The following MEGF11 variants were observed in gnomAD, a reference collection of about 807,000 sequenced individuals.
MEGF11 encodes multiple EGF like domains 11.
In MEGF11, 126 loss-of-function variants were observed where a neutral mutation model predicts 146.6. The observed-to-expected ratio is 0.86, with a 90% CI of 0.74 to 1.00. MEGF11 has a LOEUF of 1.00. Among genes scored for constraint, MEGF11 ranks in the 50% least tolerant of loss-of-function variants. The pLI is 0.00. For missense variants in MEGF11, 1,509 were observed against 1,521.2 expected, an observed-to-expected ratio of 0.99 and a Z score of 0.13; for synonymous variants, 532 against 583.4, an observed-to-expected ratio of 0.91 and a Z score of 1.27.
intron 5 of MEGF11, among the ~76,000 whole-genome samples, chr15:66,053,421 G>T (rs2084532207): frequency 1.3e-5 from 2 of 152,206 alleles, no homozygotes; most frequent in South Asian, 2.1e-4. Flanking sequence ...AACATGGCAG[G>T]GTCAAGTGGC....
At chr15:66,011,197 G>T (rs2082702015) in intron 5 of MEGF11, among the ~76,000 whole-genome samples, 1 of 152,142 alleles carries the variant, frequency 6.6e-6, no homozygotes, top group Non-Finnish European at 1.5e-5. Flanking sequence ...CCCACTTGTG[G>T]CCACCGTAAG....
intron 1 of MEGF11, among the ~76,000 whole-genome samples, chr15:66,212,405 G>A (rs1054834632): frequency 6.6e-6 from 1 of 152,114 alleles, no homozygotes; most frequent in African/African-American, 2.4e-5. Flanking sequence ...GTGCATCGTG[G>A]GGGGACTGGC....
intron 8 of MEGF11, among the ~76,000 whole-genome samples, chr15:65,966,194 C>A (rs2081091233): frequency 6.6e-6 from 1 of 152,172 alleles, no homozygotes; most frequent in Non-Finnish European, 1.5e-5. Flanking sequence ...CGGGGTTTCA[C>A]CATGTTGTCC....
At chr15:65,972,539 T>C (rs1347338647) in intron 7 of MEGF11, among the ~76,000 whole-genome samples, 1 of 151,566 alleles carries the variant, frequency 6.6e-6, no homozygotes, top group Non-Finnish European at 1.5e-5. Context: ...CAAGATCTCA[T>C]CTCTACAAAA....
intron 5 of MEGF11, among the ~76,000 whole-genome samples, chr15:66,036,260 C>A (rs1466146547): frequency 6.6e-6 from 1 of 152,214 alleles, no homozygotes; most frequent in African/African-American, 2.4e-5. Context: ...AGTCATGCAC[C>A]CTTTACTGGC....
At chr15:66,150,946 C>T (rs1190371946) in intron 1 of MEGF11, among the ~76,000 whole-genome samples, 2 of 151,938 alleles carry the variant, frequency 1.3e-5, no homozygotes, top group African/African-American at 2.4e-5. Flanking sequence ...TCATCCCATC[C>T]CCTTGCCACC....
intron 1 of MEGF11, among the ~76,000 whole-genome samples, chr15:66,199,353 A>C (rs903877414): frequency 6.6e-6 from 1 of 152,088 alleles, no homozygotes; most frequent in Non-Finnish European, 1.5e-5. Flanking sequence ...CTCTCCTCCC[A>C]GTCCTAGTGC....
At chr15:65,911,575 C>T (rs935665767) in intron 21 of MEGF11, among the ~76,000 whole-genome samples, 1 of 152,166 alleles carries the variant, frequency 6.6e-6, no homozygotes, top group African/African-American at 2.4e-5. Context: ...CCATGCCCAG[C>T]TAATTTTTTG....
At chr15:66,056,423 C>T (rs910452552) in intron 5 of MEGF11, among the ~76,000 whole-genome samples, 4 of 152,150 alleles carry the variant, frequency 2.6e-5, no homozygotes, top group Admixed American at 2.6e-4. Context: ...GTGCTCAGCC[C>T]TGCACCTGAT....
chr15:65,906,809 A>G (rs1185825942), intron 23 of MEGF11: 1 of 152,214 alleles, frequency 6.6e-6, no homozygotes, highest in Non-Finnish European at 1.5e-5. Flanking sequence ...ATTTGCACAT[A>G]ATGTAGAATT....
At position 65,909,725 on chromosome 15, in the gene MEGF11, C is replaced by CA; in HGVS notation, c.2896+14dup. The stretch of plus-strand genomic sequence containing the variant: ...GGGACATGATGGTGGGGACCAGACT[C>CA]ACACCACTACTGACCTAACACGTTC... On this transcript the variant is annotated intron_variant, in intron 22 of 25. Transcript: ENST00000395614. 1 of 1,563,806 alleles carries CA rather than the reference C, an allele frequency of 6.4e-7. No homozygotes were observed. The highest frequency in any genetic ancestry group is 8.6e-7 in the Non-Finnish European group (1 of 1,162,226).
intron 1 of MEGF11, among the ~76,000 whole-genome samples, chr15:66,230,727 C>T (rs1022299511): frequency 2.0e-5 from 3 of 152,150 alleles, no homozygotes; most frequent in Admixed American, 1.3e-4. Flanking sequence ...GTGATGCGGA[C>T]GTGGGAGTGC....
At chr15:66,113,392 A>G (rs1409879013) in intron 4 of MEGF11, among the ~76,000 whole-genome samples, 2 of 152,240 alleles carry the variant, frequency 1.3e-5, no homozygotes, top group Non-Finnish European at 2.9e-5. Context: ...TGAAAGGGCC[A>G]GAAGATTTCA....
intron 5 of MEGF11, among the ~76,000 whole-genome samples, chr15:66,091,366 A>G (rs1163789537): frequency 4.6e-5 from 7 of 152,268 alleles, no homozygotes; most frequent in African/African-American, 1.7e-4. Flanking sequence ...TCTTTTAAGC[A>G]GAGCTCACTT....
chr15:65,912,745 T>G (rs556680850), intron 20 of MEGF11, among the ~76,000 whole-genome samples: 29 of 152,336 alleles, frequency 1.9e-4, no homozygotes, highest in Middle Eastern at 3.4e-3. Flanking sequence ...TTGGCTGTAG[T>G]GTGGCATGTA....
chr15:65,968,019 A>T (rs2081168795), intron 8 of MEGF11, among the ~76,000 whole-genome samples: 2 of 152,216 alleles, frequency 1.3e-5, no homozygotes, highest in Admixed American at 1.3e-4. Flanking sequence ...CGCAGCCTGC[A>T]TGTGGCTAAG....
chr15:66,203,796 A>G (rs756453722), intron 1 of MEGF11, among the ~76,000 whole-genome samples: 48 of 152,248 alleles, frequency 3.2e-4, no homozygotes, highest in Admixed American at 9.2e-4. Flanking sequence ...GAAAATTTTA[A>G]TATGGATTAG....
intron 5 of MEGF11, among the ~76,000 whole-genome samples, chr15:66,044,672 A>G (rs1394422872): frequency 1.7e-5 from 1 of 59,946 alleles, no homozygotes; most frequent in East Asian, 5.0e-4. Context: ...AAGACCTCGT[A>G]TCACTAAAAA....
chr15:66,248,087 A>T (rs982799715), intron 1 of MEGF11, among the ~76,000 whole-genome samples: 2 of 152,120 alleles, frequency 1.3e-5, no homozygotes, highest in African/African-American at 4.8e-5. Context: ...CTAGCCAATA[A>T]GACAAAAGGG....
Sources: allele counts gnomAD v4.1 joint callset (sites outside exome capture counted in the v4.1 genomes callset), GRCh38; gene constraint gnomAD v4.1.1; transcripts MANE v1.5; gene names NCBI Gene and HGNC (gene_info 2026-07-23, HGNC 2026-07-21).